The following HSF5 variants were observed in gnomAD, a reference collection of about 807,000 sequenced individuals.
HSF5 encodes heat shock factor protein 5.
In HSF5, 5 loss-of-function variants were observed where a neutral mutation model predicts 50.8. The ratio of observed to expected loss-of-function variants is 0.10; its 90% CI spans 0.05 to 0.21. The LOEUF (loss-of-function observed/expected upper bound fraction) is 0.21. Among genes scored for constraint, HSF5 ranks in the 10% least tolerant of loss-of-function variants. The probability of loss-of-function intolerance (pLI) is 1.00; values close to 1 mark genes in which losing one functional copy is unlikely to be tolerated. For missense variants in HSF5, 564 were observed against 762.6 expected, an observed-to-expected ratio of 0.74 and a Z score of 3.07; for synonymous variants, 307 against 307.4, an observed-to-expected ratio of 1.00 and a Z score of 0.02.
At chr17:58,468,863 A>G (rs1286419766) in intron 2 of HSF5, among the ~76,000 whole-genome samples, 3 of 152,120 alleles carry the variant, frequency 2.0e-5, no homozygotes, top group African/African-American at 4.8e-5. Context: ...TTAAAAGGCC[A>G]TATATTACTA....
At chr17:58,438,996 G>A (rs1974463443) in intron 5 of HSF5, among the ~76,000 whole-genome samples, 1 of 152,022 alleles carries the variant, frequency 6.6e-6, no homozygotes, top group African/African-American at 2.4e-5. Context: ...GCATGTGCCT[G>A]TAGTCCCAGC....
intron 2 of HSF5, chr17:58,476,010 G>A (rs1252121317): frequency 5.5e-6 from 2 of 362,850 alleles, no homozygotes; most frequent in Non-Finnish European, 1.0e-5. Flanking sequence ...TCAAGAACAG[G>A]GTGACTGAGC....
intron 1 of HSF5, among the ~76,000 whole-genome samples, chr17:58,482,285 T>C (rs1342902005): frequency 6.6e-6 from 1 of 152,154 alleles, no homozygotes; most frequent in Admixed American, 6.5e-5. Flanking sequence ...CTATTTTTCC[T>C]TTATTCCTTT....
At chr17:58,438,121 T>G (rs912480744) in intron 5 of HSF5, among the ~76,000 whole-genome samples, 3 of 152,016 alleles carry the variant, frequency 2.0e-5, no homozygotes, top group Non-Finnish European at 2.9e-5. Context: ...AAAAAAATAA[T>G]TGGTTGATTT....
intron 5 of HSF5, among the ~76,000 whole-genome samples, chr17:58,427,464 GTCAGAATTATAGCATT>G (rs1974310638): frequency 6.6e-6 from 1 of 152,084 alleles, no homozygotes; most frequent in Non-Finnish European, 1.5e-5. Context: ...AACAGTTAAT[GTCAGAATTATAGCATT>G]TCAGAATTTG....
intron 5 of HSF5, among the ~76,000 whole-genome samples, chr17:58,434,837 AG>A (rs1185874374): frequency 6.6e-6 from 1 of 152,208 alleles, no homozygotes; most frequent in South Asian, 2.1e-4. Context: ...TGGATGACAG[AG>A]GAAGACTCTG....
At chr17:58,428,580 AC>A (rs1256363619) in intron 5 of HSF5, among the ~76,000 whole-genome samples, 3 of 151,732 alleles carry the variant, frequency 2.0e-5, no homozygotes, top group Non-Finnish European at 4.4e-5. Context: ...AATGGCATGA[AC>A]CCAGGAGGCG....
intron 1 of HSF5, among the ~76,000 whole-genome samples, chr17:58,480,762 G>GCCAT (rs1555644444): frequency 1.4e-5 from 2 of 146,374 alleles, no homozygotes; most frequent in African/African-American, 5.1e-5. Flanking sequence ...AACGCTCTTT[G>GCCAT]CTATCTATCT....
chr17:58,434,550 A>G (rs887782765), intron 5 of HSF5, among the ~76,000 whole-genome samples: 5 of 138,006 alleles, frequency 3.6e-5, no homozygotes, highest in African/African-American at 1.1e-4. Flanking sequence ...ACTCCATCTC[A>G]AAAAAAAAAA....
At position 58,421,262 on chromosome 17, in the gene HSF5, C is replaced by T. The variant is rs1367346722; in HGVS notation, c.*1098G>A. On this transcript the variant is annotated 3_prime_UTR_variant, in exon 6 of 6. Transcript: ENST00000323777. ...AAATGTTACCATCTATCCCATTATC[C>T]AAAATTCTCTCAGAAGCTTAAACCA... The T allele has an allele frequency of 6.6e-6, 1 of 152,548 alleles. No homozygotes were observed. The highest frequency in any genetic ancestry group is 2.1e-4 in the South Asian group (1 of 4,828). The allele number at this position is 152,548 out of a possible 1,614,324, so 9.4% of individuals were successfully genotyped here. A position where few individuals can be genotyped will look rare whatever the true frequency, so the allele number is the denominator to read the frequency against.
At chr17:58,452,475 A>G (rs759384117) in intron 5 of HSF5, among the ~76,000 whole-genome samples, 2 of 152,206 alleles carry the variant, frequency 1.3e-5, no homozygotes, top group African/African-American at 2.4e-5. Context: ...GAAAACCTGA[A>G]AAGACCAATA....
At chr17:58,440,508 A>G (rs1031279916) in intron 5 of HSF5, among the ~76,000 whole-genome samples, 1 of 152,166 alleles carries the variant, frequency 6.6e-6, no homozygotes, top group Non-Finnish European at 1.5e-5. Flanking sequence ...TAGGCCTTAA[A>G]TTATTTTTAC....
At position 58,458,775 on chromosome 17, in the gene HSF5, C is replaced by G; in HGVS notation, c.1713G>C (p.Lys571Asn). ...REHRSNSQQG[K>N]SPDLHLLVDV... The stretch of plus-strand genomic sequence containing the variant: ...GAGCACAATAATCCTTACCAGGGGA[C>G]TTTCCTTGTTGTGAGTTGCTTCTGT... The change falls in exon 5 of 6, where the codon AAG becomes AAC. Residue 571 changes from lysine to asparagine, a missense_variant. Physicochemically the swap from Lys to Asn is moderately conservative, Grantham distance 94. Around this residue, in one of 5 missense-constraint regions of HSF5, gnomAD observed 441 missense variants for 533.6 expected, o/e 0.83. Coordinates refer to ENST00000323777, the MANE Select transcript of HSF5 (RefSeq NM_001080439.3). The G allele has an allele frequency of 6.2e-7, 1 of 1,610,352 alleles. No individual in the cohort carries two copies. The highest frequency in any genetic ancestry group is 8.5e-7 in the Non-Finnish European group (1 of 1,178,762).
At position 58,479,879 on chromosome 17, in the gene HSF5, T is replaced by C. The variant is rs1254162523; in HGVS notation, c.925+14A>G. ...AACCTTAAATAGAAGGCCATGAACC[T>C]GAATTTGTCATACCTGTTGGATAGT... On this transcript the variant is annotated intron_variant, in intron 2 of 5. Transcript: ENST00000323777. The C allele has an allele frequency of 6.3e-7, 1 of 1,596,292 alleles. No homozygotes were observed.
intron 1 of HSF5, among the ~76,000 whole-genome samples, chr17:58,483,630 G>A (rs936733384): frequency 6.6e-6 from 1 of 152,148 alleles, no homozygotes; most frequent in Non-Finnish European, 1.5e-5. Flanking sequence ...TTGAGAGCAT[G>A]GTATCCCCAG....
intron 5 of HSF5, among the ~76,000 whole-genome samples, chr17:58,444,699 A>G (rs1317248671): frequency 1.3e-5 from 2 of 152,232 alleles, no homozygotes; most frequent in East Asian, 3.8e-4. Flanking sequence ...TGACACACAA[A>G]GCACAAGGAA....
rs56800313 is a variant in HSF5 at position 58,432,684 on chromosome 17, C to CAT, written c.1721-10256_1721-10255dup. Among the ~76,000 whole-genome samples, 298 of 151,402 alleles carry CAT rather than the reference C, an allele frequency of 2.0e-3. 1 individual carries two copies. Among genetic ancestry groups the CAT allele is most frequent in the Middle Eastern group, 3.4e-3 (1 of 294 alleles). On this transcript the variant is annotated intron_variant, in intron 5 of 5. Transcript: ENST00000323777. Reference sequence around the variant, plus strand: ...GTAAGGATTCTCAGATTTTCTTCTACATATATATATATAGAAAACTATTAA... The same window carrying CAT: ...GTAAGGATTCTCAGATTTTCTTCTACATATATATATATATAGAAAACTATTAA...
At chr17:58,433,537 C>T (rs2143734811) in intron 5 of HSF5, among the ~76,000 whole-genome samples, 1 of 152,160 alleles carries the variant, frequency 6.6e-6, no homozygotes, top group East Asian at 1.9e-4. Flanking sequence ...GAATTGAGCT[C>T]TGGGGTTCAT....
intron 5 of HSF5, among the ~76,000 whole-genome samples, chr17:58,436,338 T>A (rs904524609): frequency 6.7e-6 from 1 of 148,470 alleles, no homozygotes; most frequent in African/African-American, 2.4e-5. Context: ...ACACTTTAAT[T>A]AAAAAACTTT....
Sources: allele counts gnomAD v4.1 joint callset (sites outside exome capture counted in the v4.1 genomes callset), GRCh38; gene constraint gnomAD v4.1.1; regional missense constraint gnomAD v4.1.1; transcripts MANE v1.5; gene names NCBI Gene and HGNC (gene_info 2026-07-23, HGNC 2026-07-21).